Variants in SMOC2 observed in about 807,000 individuals in gnomAD.
SMOC2 encodes SPARC-related modular calcium-binding protein 2.
A neutral mutation model predicts 61.4 loss-of-function variants in SMOC2; 39 were observed. The observed-to-expected ratio is 0.64, with a 90% CI of 0.49 to 0.83. The LOEUF is 0.83. Ranked by LOEUF, SMOC2 falls within the 40% of genes least tolerant of loss-of-function variation. The pLI, the probability that SMOC2 is intolerant of heterozygous loss-of-function variation, is 0.00. For missense variants in SMOC2, 556 were observed against 592.9 expected (o/e 0.94, Z 0.65); for synonymous variants, 247 against 239.9 (o/e 1.03, Z -0.27).
chr6:168,578,289 C>T (rs969094205), intron 7 of SMOC2, among the ~76,000 whole-genome samples: 1 of 152,178 alleles, frequency 6.6e-6, no homozygotes, highest in Non-Finnish European at 1.5e-5. Flanking sequence ...TGGAAAGTGA[C>T]TGGCATCGTG....
intron 4 of SMOC2, among the ~76,000 whole-genome samples, chr6:168,540,530 A>G (rs1245778616): frequency 6.7e-6 from 1 of 148,242 alleles, no homozygotes; most frequent in African/African-American, 2.7e-5. Context: ...AGAGGTTTCG[A>G]GTGGTGAAGG....
In SMOC2 at chr6:168,453,217, G is replaced by T. The variant is rs930058925; in HGVS notation, c.84+11763G>T. Among the ~76,000 whole-genome samples, 1 of 152,040 alleles carries T rather than the reference G, an allele frequency of 6.6e-6. No homozygotes were observed. Among genetic ancestry groups the T allele is most frequent in the East Asian group, 1.9e-4 (1 of 5,166 alleles). ...TGGCCTGACAAATGCGGGCGGGGGTGGGGGAGGAACTCGGGACCCAGGGCT... is the reference window on the plus strand; with the variant it reads ...TGGCCTGACAAATGCGGGCGGGGGTTGGGGAGGAACTCGGGACCCAGGGCT... On this transcript the variant is annotated intron_variant, in intron 1 of 12. Transcript: ENST00000356284. The surrounding 1 kb of genome is among the most constrained non-coding windows in gnomAD (Gnocchi z 4.4).
intron 2 of SMOC2, among the ~76,000 whole-genome samples, chr6:168,513,683 A>C (rs1229621824): frequency 1.3e-5 from 2 of 152,214 alleles, no homozygotes; most frequent in African/African-American, 4.8e-5. Flanking sequence ...TTTTCTTCTT[A>C]CTGAATGATT....
At chr6:168,516,034 GGCTGTCTTTA>G (rs1249127070) in intron 2 of SMOC2, among the ~76,000 whole-genome samples, 2 of 152,172 alleles carry the variant, frequency 1.3e-5, no homozygotes, top group Non-Finnish European at 2.9e-5. Context: ...ATGAGGCTGA[GGCTGTCTTTA>G]GCATTTTGGG....
At chr6:168,559,368 T>C (rs1784338069) in intron 7 of SMOC2, among the ~76,000 whole-genome samples, 1 of 152,006 alleles carries the variant, frequency 6.6e-6, no homozygotes, top group South Asian at 2.1e-4. Context: ...GGCAGGAGAA[T>C]GGCTTGAACC....
At chr6:168,500,286 CAAAA>C (rs72258550) in intron 1 of SMOC2, among the ~76,000 whole-genome samples, 9 of 99,310 alleles carry the variant, frequency 9.1e-5, no homozygotes, top group Non-Finnish European at 1.2e-4. Context: ...AACTCTGTCT[CAAAA>C]AAAAAAAAAA....
intron 4 of SMOC2, among the ~76,000 whole-genome samples, chr6:168,536,272 G>A (rs1238450082): frequency 1.3e-5 from 2 of 152,180 alleles, no homozygotes; most frequent in African/African-American, 4.8e-5. Context: ...GGCCAGTGGG[G>A]GAGCCTGTGG....
intron 11 of SMOC2, among the ~76,000 whole-genome samples, chr6:168,659,786 C>A (rs76310000): frequency 3.4e-5 from 1 of 29,396 alleles, no homozygotes; most frequent in Admixed American, 3.0e-4. Context: ...AGATTATAGG[C>A]TGAGTGAGGG....
At chr6:168,515,461 T>C (rs1192208875) in intron 2 of SMOC2, among the ~76,000 whole-genome samples, 1 of 3,516 alleles carries the variant, frequency 2.8e-4, no homozygotes, top group Non-Finnish European at 8.1e-3. Context: ...CGCTTTCCGC[T>C]CCACGAGTTG....
chr6:168,615,071 T>C (rs372356730), intron 9 of SMOC2, among the ~76,000 whole-genome samples: 25 of 56,356 alleles, frequency 4.4e-4, no homozygotes, highest in South Asian at 6.6e-4. Flanking sequence ...CTCTTCATAC[T>C]TACAGCCGGC....
chr6:168,615,537 A>C (rs1265795662), intron 9 of SMOC2, among the ~76,000 whole-genome samples: 1 of 113,342 alleles, frequency 8.8e-6, no homozygotes, highest in East Asian at 2.7e-4. Flanking sequence ...TCATACTTAC[A>C]GCCGGCACAG....
chr6:168,559,422 T>A (rs1427274647), intron 7 of SMOC2, among the ~76,000 whole-genome samples: 2 of 151,544 alleles, frequency 1.3e-5, no homozygotes, highest in South Asian at 2.1e-4. Flanking sequence ...ACCACTGCAC[T>A]CTAGCCTGAG....
chr6:168,539,673 G>C (rs1583093617), intron 4 of SMOC2, among the ~76,000 whole-genome samples: 1 of 152,234 alleles, frequency 6.6e-6, no homozygotes, highest in Admixed American at 6.5e-5. Flanking sequence ...TTGCAGGGGG[G>C]CACTTCCAGC....
chr6:168,547,210 AGT>A lies in SMOC2; in HGVS notation c.562+43_562+44del, dbSNP rs748846546. ...GATTGCACAGTCTGGGTTGGGGAGG[AGT>A]GCGAGGGACGGTATGGAGCTGGGAA... On this transcript the variant is annotated intron_variant, in intron 6 of 12. Transcript: ENST00000356284. The A allele has an allele frequency of 3.2e-5, 51 of 1,573,322 alleles. 3 individuals carry two copies. The South Asian group carries it at 5.7e-4, about 17-fold the overall frequency.
chr6:168,574,380 A>ACGAGCTTGGAGAACACTG (rs1188767348), intron 7 of SMOC2, among the ~76,000 whole-genome samples: 3 of 152,208 alleles, frequency 2.0e-5, no homozygotes, highest in Non-Finnish European at 2.9e-5. Context: ...GTCCTTAGGA[A>ACGAGCTTGGAGAACACTG]CGAGCTTGGA....
chr6:168,442,715 C>CT (rs1781244022), intron 1 of SMOC2, among the ~76,000 whole-genome samples: 1 of 152,150 alleles, frequency 6.6e-6, no homozygotes, highest in Admixed American at 6.5e-5. Context: ...TTTTCTTTTT[C>CT]TTTTTCTTTT....
At chr6:168,490,572 G>C (rs1782451463) in intron 1 of SMOC2, among the ~76,000 whole-genome samples, 1 of 152,124 alleles carries the variant, frequency 6.6e-6, no homozygotes, top group African/African-American at 2.4e-5. Context: ...ATTTAGCCTT[G>C]ATAGGATCTT....
chr6:168,608,768 C>T (rs886874085), intron 9 of SMOC2, among the ~76,000 whole-genome samples: 5 of 152,090 alleles, frequency 3.3e-5, no homozygotes, highest in African/African-American at 7.2e-5. Flanking sequence ...CACAAAAAGA[C>T]GTCATGGGGT....
intron 12 of SMOC2, chr6:168,664,442 C>A: frequency 2.4e-6 from 1 of 408,186 alleles, no homozygotes; most frequent in East Asian, 7.2e-5. Flanking sequence ...GCCATGTTGC[C>A]CAGGCTAGTT....
Sources: allele counts gnomAD v4.1 joint callset (sites outside exome capture counted in the v4.1 genomes callset), GRCh38; gene constraint gnomAD v4.1.1; non-coding constraint Gnocchi (gnomAD v3.1); transcripts MANE v1.5; gene names NCBI Gene and HGNC (gene_info 2026-07-23, HGNC 2026-07-21).